DPEP3: variants seen among roughly 807,000 people sequenced by gnomAD.
DPEP3 encodes dipeptidase 3.
A neutral mutation model predicts 47.5 loss-of-function variants in DPEP3; 42 were observed. The observed-to-expected ratio is 0.88, with a 90% CI of 0.69 to 1.14. The LOEUF (loss-of-function observed/expected upper bound fraction) is 1.14. Among genes scored for constraint, DPEP3 ranks in the 50% most tolerant of loss-of-function variants. The probability of loss-of-function intolerance (pLI) is 0.00; values close to 1 mark genes in which losing one functional copy is unlikely to be tolerated. For synonymous variants in DPEP3, 276 were observed against 270.2 expected (o/e 1.02, Z -0.21); for missense variants, 560 against 635.0 (o/e 0.88, Z 1.27).
At position 67,977,263 on chromosome 16, in the gene DPEP3, G is replaced by T. The variant is rs1340769404; in HGVS notation, c.1018+7C>A. ...CCAGCACTGCACAAAGCTGAGGTGG[G>T]ACTTACCTGCCACAGTGGACACGTT... On this transcript the variant is annotated splice_region_variant and intron_variant, in intron 7 of 9. Transcript: ENST00000268793. 6.2e-7 allele frequency: 1 copy of T among 1,613,374 alleles called. No individual in the cohort carries two copies. Among genetic ancestry groups the T allele is most frequent in the Non-Finnish European group, 8.5e-7 (1 of 1,179,596 alleles).
Position 67,975,732 on chromosome 16 carries a change from T to C in DPEP3, c.*33A>G. ...CTAGGAGAGGGGGCTTTGTGAGGCT[T>C]TGCCACAGTGACCTCTGCGGGGACC... On this transcript the variant is annotated 3_prime_UTR_variant, in exon 10 of 10. Transcript: ENST00000268793. The C allele has an allele frequency of 6.3e-7, 1 of 1,580,506 alleles. No homozygotes were observed. The highest frequency in any genetic ancestry group is 8.6e-7 in the Non-Finnish European group (1 of 1,160,342).
In DPEP3 at chr16:67,975,814, C is replaced by T; in HGVS notation, c.1418G>A (p.Gly473Asp). The T allele has an allele frequency of 6.2e-7, 1 of 1,613,866 alleles. No individual in the cohort carries two copies. The highest frequency in any genetic ancestry group is 8.5e-7 in the Non-Finnish European group (1 of 1,179,860). The change falls in exon 10 of 10, where the codon GGC becomes GAC. Residue 473 changes from glycine to aspartate, a missense_variant. Gly to Asp is a moderately conservative substitution (Grantham distance 94, BLOSUM62 -1). Transcript: ENST00000268793. Reference protein sequence around the residue: ...SSNASPYLVPGLVAAATIPTF... With the variant: ...SSNASPYLVPDLVAAATIPTF... ...TGGGATGGTGGCAGCAGCCACAAGGCCTGGAACAAGGTATGGGGAGGCATT... is the reference window on the plus strand; with the variant it reads ...TGGGATGGTGGCAGCAGCCACAAGGTCTGGAACAAGGTATGGGGAGGCATT...
Position 67,978,505 on chromosome 16 carries a change from G to T in DPEP3, c.536C>A (p.Ser179Ter), listed in dbSNP as rs374841675. Residue 179 changes from serine (S) to a stop codon, truncating the protein, a stop_gained, in exon 3 of 10, where the codon TCA becomes TAA. Transcript: ENST00000268793. LOFTEE classifies it high-confidence loss of function. This position sits in a 1 kb window ranked among gnomAD's most constrained non-coding sequence, Gnocchi z 4.4. ...ASYSELELVT[S>*]AEGLNSSQKL... ...CTCATCTGCTGGCCCACCTTCAGCT[G>T]AGGTCACAAGCTCGAGTTCAGAGTA... 4 of 1,614,018 alleles carry T rather than the reference G, an allele frequency of 2.5e-6. No individual in the cohort carries two copies. The African/African-American group carries it at 5.3e-5, about 22-fold the overall frequency.
rs752221757 is a variant in DPEP3 at position 67,978,596 on chromosome 16, G to A, written c.445C>T (p.Gln149Ter). 8 of 1,613,782 alleles carry A rather than the reference G, an allele frequency of 5.0e-6. No homozygotes were observed. The South Asian group carries it at 8.8e-5, about 18-fold the overall frequency. The change falls in exon 3 of 10, where the codon CAG becomes TAG. Residue 149 changes from glutamine to a stop codon, truncating the protein, a stop_gained. Coordinates refer to ENST00000268793, the MANE Select transcript of DPEP3 (RefSeq NM_001370198.1). LOFTEE classifies it high-confidence loss of function. The surrounding 1 kb of genome is among the most constrained non-coding windows in gnomAD (Gnocchi z 4.4). ...GCGAGGCGCACGGCAGTCTGGTCCT[G>A]GGACTGGCATGAGACGGAGGCTGAC... is the stretch of plus-strand genomic sequence containing the variant. Reference protein sequence around the residue: ...FWSASVSCQSQDQTAVRLALE... With the variant: ...FWSASVSCQS
chr16:67,976,879 C>A lies in DPEP3; in HGVS notation c.1019-104G>T, dbSNP rs74858163. ...GGCAGTTGGCTCCACAGAGCTAGCTCATGGCCAGTCATGAGTCCTGAAGCG... is the reference window on the plus strand; with the variant it reads ...GGCAGTTGGCTCCACAGAGCTAGCTAATGGCCAGTCATGAGTCCTGAAGCG... On this transcript the variant is annotated intron_variant, in intron 7 of 9. Transcript: ENST00000268793. 3,091 of 917,968 alleles carry A rather than the reference C, an allele frequency of 3.4e-3. 60 individuals carry two copies. In the African/African-American group the frequency reaches 0.044, roughly 13 times the overall value. 56.9% of individuals were successfully genotyped at this position (917,968 alleles called of 1,614,324 possible).
Position 67,978,086 on chromosome 16 carries a change from T to G in DPEP3, c.687-79A>C. 1.9e-6 allele frequency: 3 copies of G among 1,588,450 alleles called. No individual in the cohort carries two copies. The highest frequency in any genetic ancestry group is 2.6e-6 in the Non-Finnish European group (3 of 1,158,488). ...AGCCTGGGGGCCCTGGCTCTATCCA[T>G]CCATCCTGCTTCCAGAACAGGTGCA... On this transcript the variant is annotated intron_variant, in intron 4 of 9. Transcript: ENST00000268793. The surrounding 1 kb of genome is among the most constrained non-coding windows in gnomAD (Gnocchi z 4.4).
Position 67,980,101 on chromosome 16 carries a change from C to T in DPEP3, c.280G>A (p.Val94Met), listed in dbSNP as rs1480985055. 1 of 1,610,850 alleles carries T rather than the reference C, an allele frequency of 6.2e-7. No individual in the cohort carries two copies. The highest frequency in any genetic ancestry group is 8.5e-7 in the Non-Finnish European group (1 of 1,178,668). Reference sequence around the variant, plus strand: ...AACGCTGCACCTACATACCCGTCCACGAGTGGGAAACTCCGCATCAGGGCC... The same window carrying T: ...AACGCTGCACCTACATACCCGTCCATGAGTGGGAAACTCCGCATCAGGGCC... ...AQALMRSFPL[V>M]DGHNDLPQVL... The change falls in exon 1 of 10, where the codon GTG (valine) becomes ATG (methionine). Residue 94 changes from valine to methionine, a missense_variant. By Grantham distance (21) the Val-to-Met change is conservative. Transcript: ENST00000268793.
rs1400546918 is a variant in DPEP3 at position 67,978,592 on chromosome 16, T to C, written c.449A>G (p.Asp150Gly). Residue 150 changes from aspartate to glycine, a missense_variant, in exon 3 of 10, where the codon GAC (aspartate) becomes GGC (glycine). Physicochemically the swap from Asp to Gly is moderately conservative, Grantham distance 94. Coordinates refer to ENST00000268793, the MANE Select transcript of DPEP3 (RefSeq NM_001370198.1). The surrounding 1 kb of genome is among the most constrained non-coding windows in gnomAD (Gnocchi z 4.4). ...WSASVSCQSQ[D>G]QTAVRLALEQ... ...CAGGGCGAGGCGCACGGCAGTCTGG[T>C]CCTGGGACTGGCATGAGACGGAGGC... 1.3e-5 allele frequency: 21 copies of C among 1,613,614 alleles called. No homozygotes were observed. The highest frequency in any genetic ancestry group is 1.7e-5 in the Non-Finnish European group (20 of 1,179,866).
rs201970507 is a variant in DPEP3 at position 67,977,807 on chromosome 16, C to A, written c.779G>T (p.Arg260Leu). 4 of 1,613,874 alleles carry A rather than the reference C, an allele frequency of 2.5e-6. 1 individual carries two copies. In the South Asian group the frequency reaches 3.3e-5, roughly 13 times the overall value. The change falls in exon 6 of 10, where the codon CGC (arginine) becomes CTC (leucine). Residue 260 changes from arginine to leucine, a missense_variant. Arg to Leu is a moderately radical substitution (Grantham distance 102, BLOSUM62 -2). Transcript: ENST00000268793. The part of the protein sequence containing the change: ...FGEKVVEELN[R>L]LGMMIDLSYA... ...GGACAAATCTATCATCATGCCCAGGCGGTTCAACTCCTCTACTACTTTCTG... is the reference window on the plus strand; with the variant it reads ...GGACAAATCTATCATCATGCCCAGGAGGTTCAACTCCTCTACTACTTTCTG...
intron 2 of DPEP3, among the ~76,000 whole-genome samples, chr16:67,979,148 T>C (rs1444093697): frequency 6.6e-6 from 1 of 152,058 alleles, no homozygotes; most frequent in Non-Finnish European, 1.5e-5. Flanking sequence ...CTACTAAAAC[T>C]ACAAAAATTA....
chr16:67,980,398 C>T lies in DPEP3; in HGVS notation c.-18G>A. ...GGCTGCATGTTGCGCGGGGGTCGGC[C>T]GCGGGAGCCTGGGAGGAGCAGGCGA... On this transcript the variant is annotated 5_prime_UTR_variant, in exon 1 of 10. Transcript: ENST00000268793. The T allele has an allele frequency of 3.3e-6, 5 of 1,504,896 alleles. No homozygotes were observed. Among genetic ancestry groups the T allele is most frequent in the South Asian group, 2.6e-5 (2 of 77,354 alleles). 93.2% of individuals were successfully genotyped at this position (1,504,896 alleles called of 1,614,324 possible). A position where few individuals can be genotyped will look rare whatever the true frequency, so the allele number is the denominator to read the frequency against.
chr16:67,978,370 C>T lies in DPEP3; in HGVS notation c.583G>A (p.Val195Met), dbSNP rs372468471. 1.6e-5 allele frequency: 26 copies of T among 1,613,966 alleles called. No homozygotes were observed. The highest frequency in any genetic ancestry group is 1.6e-4 in the Middle Eastern group (1 of 6,084). Residue 195 changes from valine (V) to methionine (M), a missense_variant, in exon 4 of 10, where the codon GTG becomes ATG. Physicochemically the swap from Val to Met is conservative, Grantham distance 21. Transcript: ENST00000268793. The surrounding 1 kb of genome is among the most constrained non-coding windows in gnomAD (Gnocchi z 4.4). Reference protein sequence around the residue: ...SSQKLACLIGVEGGHSLDSSL... With the variant: ...SSQKLACLIGMEGGHSLDSSL... ...CTGTCCAGTGAGTGACCACCCTCCA[C>T]GCCAATGAGGCAGGCCAGCTTTTGA...
In DPEP3 at chr16:67,980,216, G is replaced by T; in HGVS notation, c.165C>A (p.Phe55Leu). 1 of 1,610,258 alleles carries T rather than the reference G, an allele frequency of 6.2e-7. No individual in the cohort carries two copies. The highest frequency in any genetic ancestry group is 8.5e-7 in the Non-Finnish European group (1 of 1,178,258). The change falls in exon 1 of 10, where the codon TTC becomes TTA. Residue 55 changes from phenylalanine to leucine, a missense_variant. Transcript: ENST00000268793. ...ALSTLGSPSL[F>L]TTPGVPSALT... ...GGGCGCTGGGGACACCCGGCGTGGT[G>T]AAGAGGCTGGGGGAGCCCAGCGTGG...
In DPEP3 at chr16:67,978,633, G is replaced by A. The variant is rs756367999; in HGVS notation, c.415-7C>T. On this transcript the variant is annotated splice_polypyrimidine_tract_variant and splice_region_variant and intron_variant, in intron 2 of 9. Transcript: ENST00000268793. This position sits in a 1 kb window ranked among gnomAD's most constrained non-coding sequence, Gnocchi z 4.4. ...AGACGGAGGCTGACCAGAACTGAGG[G>A]TAGGTCAAGGGGTCCAGAATGAGGC... is the stretch of plus-strand genomic sequence containing the variant. 3 of 1,613,664 alleles carry A rather than the reference G, an allele frequency of 1.9e-6. No individual in the cohort carries two copies. Among genetic ancestry groups the A allele is most frequent in the Non-Finnish European group, 1.7e-6 (2 of 1,179,826 alleles).
chr16:67,978,791 T>A lies in DPEP3; in HGVS notation c.415-165A>T, dbSNP rs72790380. On this transcript the variant is annotated intron_variant, in intron 2 of 9. Transcript: ENST00000268793. The surrounding 1 kb of genome is among the most constrained non-coding windows in gnomAD (Gnocchi z 4.4). Reference sequence around the variant, plus strand: ...GATGACTTTTTTTAAAATTATTTTTTATTTTTATTTTAAAATTTGAGACAG... The same window carrying A: ...GATGACTTTTTTTAAAATTATTTTTAATTTTTATTTTAAAATTTGAGACAG... 1.3e-5 allele frequency among the ~76,000 whole-genome samples: 2 copies of A among 152,150 alleles called. No individual in the cohort carries two copies. The highest frequency in any genetic ancestry group is 1.9e-4 in the East Asian group (1 of 5,198).
At chr16:67,980,031 G>A (rs1197068677) in intron 1 of DPEP3, 63 bp downstream of exon 1, 6 of 1,542,562 alleles carry the variant, frequency 3.9e-6, no homozygotes. Context: ...AGCATGCTCA[G>A]AACCTCCTCT....
Position 67,978,134 on chromosome 16 carries a change from G to C in DPEP3, c.687-127C>G. 6.4e-7 allele frequency: 1 copy of C among 1,572,354 alleles called. No individual in the cohort carries two copies. Among genetic ancestry groups the C allele is most frequent in the Non-Finnish European group, 8.7e-7 (1 of 1,146,772 alleles). On this transcript the variant is annotated intron_variant, in intron 4 of 9. Coordinates refer to ENST00000268793, the MANE Select transcript of DPEP3 (RefSeq NM_001370198.1). The surrounding 1 kb of genome is among the most constrained non-coding windows in gnomAD (Gnocchi z 4.4). ...GCAGAACCAGCTGCTTTCTGGGATTGTGAGGGACCCACTGGGTGTCCAGCC... is the reference window on the plus strand; with the variant it reads ...GCAGAACCAGCTGCTTTCTGGGATTCTGAGGGACCCACTGGGTGTCCAGCC...
chr16:67,977,736 C>A lies in DPEP3; in HGVS notation c.850G>T (p.Ala284Ser). 1 of 1,613,488 alleles carries A rather than the reference C, an allele frequency of 6.2e-7. No individual in the cohort carries two copies. Reference sequence around the variant, plus strand: ...GCTGAGTGGGAGAAGATCACAGGAGCCTGAGACACTTCCAGGACCCTTCTT... The same window carrying A: ...GCTGAGTGGGAGAAGATCACAGGAGACTGAGACACTTCCAGGACCCTTCTT... ...LIRRVLEVSQ[A>S]PVIFSHSAAR... Residue 284 changes from alanine (A) to serine (S), a missense_variant, in exon 6 of 10, where the codon GCT (alanine) becomes TCT (serine). By Grantham distance (99) the Ala-to-Ser change is moderately conservative. Coordinates refer to ENST00000268793, the MANE Select transcript of DPEP3 (RefSeq NM_001370198.1).
intron 6 of DPEP3, 41 bp downstream of exon 6, chr16:67,977,612 G>C (rs2031225572): frequency 6.3e-7 from 1 of 1,581,456 alleles, no homozygotes; most frequent in South Asian, 1.2e-5. Context: ...AGAACCTTTG[G>C]ATAACACATG....
Sources: allele counts gnomAD v4.1 joint callset (sites outside exome capture counted in the v4.1 genomes callset), GRCh38; gene constraint gnomAD v4.1.1; non-coding constraint Gnocchi (gnomAD v3.1); transcripts MANE v1.5; gene names NCBI Gene and HGNC (gene_info 2026-07-23, HGNC 2026-07-21).